The following C11orf65 variants were observed in gnomAD, a reference collection of about 807,000 sequenced individuals.
C11orf65 encodes protein MFI.
Under a neutral mutation model 35.3 loss-of-function variants are expected in C11orf65, and 38 were observed. The ratio of observed to expected loss-of-function variants is 1.08; its 90% CI spans 0.83 to 1.41. C11orf65 has a LOEUF of 1.41. Ranked by LOEUF, C11orf65 falls within the 40% of genes most tolerant of loss-of-function variation. The pLI, the probability that C11orf65 is intolerant of heterozygous loss-of-function variation, is 0.00. For synonymous variants in C11orf65, 105 were observed against 114.4 expected (o/e 0.92, Z 0.53); for missense variants, 370 against 367.1 (o/e 1.01, Z -0.06).
intron 2 of C11orf65, among the ~76,000 whole-genome samples, chr11:108,459,266 A>T (rs1032686737): frequency 6.6e-6 from 1 of 152,092 alleles, no homozygotes. Flanking sequence ...TAAAAAAGAG[A>T]TAAGACTCCA....
At chr11:108,318,425 T>C (rs1235727440) in intron 6 of C11orf65, among the ~76,000 whole-genome samples, 1 of 151,804 alleles carries the variant, frequency 6.6e-6, no homozygotes, top group East Asian at 1.9e-4. Flanking sequence ...GTGTGGTGGC[T>C]CACACCTGTA....
chr11:108,374,595 G>C (rs1370918187), intron 2 of C11orf65, among the ~76,000 whole-genome samples: 1 of 152,208 alleles, frequency 6.6e-6, no homozygotes, highest in Non-Finnish European at 1.5e-5. Context: ...CTCCTCCAAA[G>C]GAACGCAGTT....
At chr11:108,309,889 C>T (rs2083998233) in intron 6 of C11orf65, among the ~76,000 whole-genome samples, 1 of 151,818 alleles carries the variant, frequency 6.6e-6, no homozygotes, top group Non-Finnish European at 1.5e-5. Flanking sequence ...AGATATGAAC[C>T]CCAATTTTGT....
In C11orf65 at chr11:108,448,968, G is replaced by C. The variant is rs566967670; in HGVS notation, c.81+12511C>G. 2.2e-4 allele frequency among the ~76,000 whole-genome samples: 34 copies of C among 152,118 alleles called. No homozygotes were observed. The East Asian group carries it at 2.9e-3, about 13-fold the overall frequency. The stretch of plus-strand genomic sequence containing the variant: ...ATACAAAATCAATGTACAAAAATCA[G>C]AAGCATTCTTATACACCAATAACAG... On this transcript the variant is annotated intron_variant, in intron 2 of 8. Coordinates refer to ENST00000393084, the MANE Select transcript of C11orf65 (RefSeq NM_152587.5).
At chr11:108,466,725 TATC>T (rs984268217) in intron 1 of C11orf65, among the ~76,000 whole-genome samples, 1 of 152,250 alleles carries the variant, frequency 6.6e-6, no homozygotes, top group African/African-American at 2.4e-5. Flanking sequence ...TAAAATTTTT[TATC>T]ATAATAGATG....
chr11:108,381,921 G>T (rs1279073705), downstream of C11orf65, among the ~76,000 whole-genome samples: 3 of 139,264 alleles, frequency 2.2e-5, no homozygotes, highest in Non-Finnish European at 4.7e-5. Context: ...AAAAGGCATT[G>T]CGGCTTCCTC....
intron 6 of C11orf65, among the ~76,000 whole-genome samples, chr11:108,312,101 A>G (rs931791585): frequency 9.9e-5 from 15 of 152,214 alleles, no homozygotes; most frequent in Admixed American, 6.5e-4. Context: ...AGGTGAAACC[A>G]CTGACAGAGT....
chr11:108,393,424 G>C (rs1342014573), intron 6 of C11orf65, 46 bp from the exon 7 acceptor site: 1 of 1,526,382 alleles, frequency 6.6e-7, no homozygotes, highest in Non-Finnish European at 9.1e-7. Context: ...TGAAATAGGA[G>C]ATTACAAGTA....
chr11:108,332,698 T>A, intron 3 of C11orf65: 1 of 1,538,336 alleles, frequency 6.5e-7, no homozygotes, highest in African/African-American at 1.4e-5. Context: ...TTTGTTTTTC[T>A]AACTCTGAGA....
intron 2 of C11orf65, among the ~76,000 whole-genome samples, chr11:108,345,007 C>CAAAAA (rs920422184): frequency 7.0e-6 from 1 of 142,906 alleles, no homozygotes; most frequent in Admixed American, 7.0e-5. Context: ...ACCCTGTCTC[C>CAAAAA]AAAAAAAAAA....
chr11:108,406,307 T>C (rs2092538994), intron 5 of C11orf65, among the ~76,000 whole-genome samples: 1 of 152,162 alleles, frequency 6.6e-6, no homozygotes, highest in Non-Finnish European at 1.5e-5. Context: ...GTATATTCTT[T>C]TGTGTTTGTT....
downstream of C11orf65, chr11:108,330,204 T>G (rs745319720): frequency 2.5e-6 from 4 of 1,612,286 alleles, no homozygotes; most frequent in East Asian, 8.9e-5. Flanking sequence ...CCTTAATTAT[T>G]CTATGCAAGA....
Position 108,331,465 on chromosome 11 carries a change from A to G in C11orf65, c.*85T>C, listed in dbSNP as rs1480066803. On this transcript the variant is annotated 3_prime_UTR_variant, in exon 4 of 4. Coordinates refer to the C11orf65 transcript ENST00000524755. The stretch of plus-strand genomic sequence containing the variant: ...GTAGAGAGACGGAATGAAGATTCCA[A>G]CATATAAATTTTTGCCTCTTATGTA... 1 of 1,613,488 alleles carries G rather than the reference A, an allele frequency of 6.2e-7. No homozygotes were observed. The highest frequency in any genetic ancestry group is 1.7e-5 in the Admixed American group (1 of 59,996).
intron 3 of C11orf65, among the ~76,000 whole-genome samples, chr11:108,333,300 G>A: frequency 6.6e-6 from 1 of 152,086 alleles, no homozygotes. Flanking sequence ...TTCTTCCATA[G>A]GTGCTAAAAT....
chr11:108,440,480 T>G (rs904433645), intron 2 of C11orf65, among the ~76,000 whole-genome samples: 1 of 152,210 alleles, frequency 6.6e-6, no homozygotes, highest in Non-Finnish European at 1.5e-5. Flanking sequence ...GCTAGGTCTC[T>G]TGGTTCTTTT....
rs2136333537 is a variant in C11orf65 at position 108,326,104 on chromosome 11, G to T, written c.641-17033C>A. On this transcript the variant is annotated intron_variant, in intron 6 of 6. Coordinates refer to the C11orf65 transcript ENST00000525729. ...CAAATTAAACAGTACAATTCAGTTA[G>T]CTGTGGAGTCTCTGAGTGGCAGCTG... 1 of 1,614,100 alleles carries T rather than the reference G, an allele frequency of 6.2e-7. No individual in the cohort carries two copies.
At chr11:108,417,003 C>A (rs1299711514) in intron 3 of C11orf65, among the ~76,000 whole-genome samples, 1 of 152,048 alleles carries the variant, frequency 6.6e-6, no homozygotes, top group African/African-American at 2.4e-5. Flanking sequence ...GTCAAATATG[C>A]ATGTTGCAAT....
In C11orf65 at chr11:108,325,285, A is replaced by G. The variant is rs760869811; in HGVS notation, c.641-16214T>C. 20 of 1,151,822 alleles carry G rather than the reference A, an allele frequency of 1.7e-5. No individual in the cohort carries two copies. Among genetic ancestry groups the G allele is most frequent in the East Asian group, 2.5e-5 (1 of 39,806 alleles). The allele number at this position is 1,151,822 out of a possible 1,614,324, so 71.4% of individuals were successfully genotyped here. A position where few individuals can be genotyped will look rare whatever the true frequency, so the allele number is the denominator to read the frequency against. On this transcript the variant is annotated intron_variant, in intron 6 of 6. Transcript: ENST00000525729. ...TTTTTTTTTCATTTCTCTTGCTTACATGAACTCTATGTCGTGGCATTCAGA... is the reference window on the plus strand; with the variant it reads ...TTTTTTTTTCATTTCTCTTGCTTACGTGAACTCTATGTCGTGGCATTCAGA...
intron 2 of C11orf65, among the ~76,000 whole-genome samples, chr11:108,354,211 C>T (rs1172960150): frequency 6.6e-6 from 1 of 152,094 alleles, no homozygotes; most frequent in Non-Finnish European, 1.5e-5. Flanking sequence ...AATAGTTCCT[C>T]TTCCTTCCAC....
Sources: allele counts gnomAD v4.1 joint callset (sites outside exome capture counted in the v4.1 genomes callset), GRCh38; gene constraint gnomAD v4.1.1; transcripts MANE v1.5; gene names NCBI Gene and HGNC (gene_info 2026-07-23, HGNC 2026-07-21).